The following MECOM variants were observed in gnomAD, a reference collection of about 807,000 sequenced individuals.
The protein encoded by MECOM is histone-lysine N-methyltransferase MECOM.
MECOM carries 13 observed loss-of-function variants against 116.3 expected under a neutral mutation model. The observed-to-expected ratio is 0.11, with a 90% CI of 0.07 to 0.18. MECOM has a LOEUF of 0.18. Among genes scored for constraint, MECOM ranks in the 10% least tolerant of loss-of-function variants. The pLI, the probability that MECOM is intolerant of heterozygous loss-of-function variation, is 1.00. For missense variants in MECOM, 1,299 were observed against 1,509.0 expected (o/e 0.86, Z 2.31); for synonymous variants, 528 against 535.2 (o/e 0.99, Z 0.19).
chr3:169,647,917 C>T lies in MECOM; in HGVS notation c.37+15419G>A, dbSNP rs535314879. Among the ~76,000 whole-genome samples the T allele has an allele frequency of 3.3e-5, 5 of 152,164 alleles. 1 individual carries two copies. In the East Asian group the frequency reaches 5.8e-4, roughly 18 times the overall value. On this transcript the variant is annotated intron_variant, in intron 1 of 16. Coordinates refer to ENST00000651503, the MANE Select transcript of MECOM (RefSeq NM_004991.4). Reference sequence around the variant, plus strand: ...TGAGACTCAAACCCCTACATCCTGACGTCCCAGCCAGCATTATCCGCCAGA... The same window carrying T: ...TGAGACTCAAACCCCTACATCCTGATGTCCCAGCCAGCATTATCCGCCAGA...
chr3:169,437,962 G>A (rs908914190), intron 1 of MECOM, among the ~76,000 whole-genome samples: 1 of 152,128 alleles, frequency 6.6e-6, no homozygotes, highest in Non-Finnish European at 1.5e-5. Flanking sequence ...GAAAGTATAC[G>A]ACACAACCAT....
intron 1 of MECOM, among the ~76,000 whole-genome samples, chr3:169,383,305 A>T (rs1367227342): frequency 6.6e-6 from 1 of 152,184 alleles, no homozygotes; most frequent in East Asian, 1.9e-4. Flanking sequence ...CCTATGGGAC[A>T]TAGGTTCTCA....
intron 2 of MECOM, among the ~76,000 whole-genome samples, chr3:169,378,507 A>AGCG (rs1731704620): frequency 3.3e-5 from 1 of 30,108 alleles, no homozygotes; most frequent in African/African-American, 2.2e-4. Context: ...GAAAGAAAGA[A>AGCG]AGAAAGAAAA....
chr3:169,123,874 A>T (rs1731905119), intron 5 of MECOM, among the ~76,000 whole-genome samples: 1 of 152,082 alleles, frequency 6.6e-6, no homozygotes, highest in Non-Finnish European at 1.5e-5. Flanking sequence ...CAAAACACAA[A>T]CAGAACCCCA....
At chr3:169,312,977 A>T (rs1293583578) in intron 2 of MECOM, among the ~76,000 whole-genome samples, 3 of 152,242 alleles carry the variant, frequency 2.0e-5, no homozygotes, top group Non-Finnish European at 4.4e-5. Context: ...ATGTGAAAAG[A>T]TCTAAGTACT....
intron 3 of MECOM, among the ~76,000 whole-genome samples, chr3:169,135,324 AT>A (rs1179537142): frequency 2.0e-5 from 3 of 152,194 alleles, no homozygotes; most frequent in South Asian, 4.1e-4. Context: ...TGTAATGAAT[AT>A]ACCCCCAATA....
At position 169,501,136 on chromosome 3, in the gene MECOM, A is replaced by T. The variant is rs79526182; in HGVS notation, c.38-119612T>A. On this transcript the variant is annotated intron_variant, in intron 1 of 16. Transcript: ENST00000651503. Reference sequence around the variant, plus strand: ...AGATTTAATAAAAACACTTATTTAGAAATATTATTCTCAGATTTCCAACTA... The same window carrying T: ...AGATTTAATAAAAACACTTATTTAGTAATATTATTCTCAGATTTCCAACTA... Among the ~76,000 whole-genome samples the T allele has an allele frequency of 6.4e-3, 980 of 152,166 alleles. 32 individuals are homozygous for T. The highest frequency in any genetic ancestry group is 0.057 in the East Asian group (295 of 5,186).
At chr3:169,110,142 C>G (rs1487576668) in intron 9 of MECOM, among the ~76,000 whole-genome samples, 1 of 152,098 alleles carries the variant, frequency 6.6e-6, no homozygotes, top group African/African-American at 2.4e-5. Context: ...GAAATCATAA[C>G]AAGCACTAAG....
At chr3:169,366,700 C>T (rs150701900) in intron 2 of MECOM, among the ~76,000 whole-genome samples, 1,630 of 151,886 alleles carry the variant, frequency 0.011, 12 homozygotes, top group East Asian at 0.044. Context: ...ATCTAAACAA[C>T]GAAAAAAGAA....
chr3:169,423,470 A>G (rs1031177846), intron 1 of MECOM, among the ~76,000 whole-genome samples: 52 of 152,102 alleles, frequency 3.4e-4, no homozygotes, highest in African/African-American at 1.2e-3. Flanking sequence ...ATTATTTGTA[A>G]GGGGAAACTG....
chr3:169,585,745 T>C (rs1247484591), intron 1 of MECOM, among the ~76,000 whole-genome samples: 1 of 152,248 alleles, frequency 6.6e-6, no homozygotes, highest in East Asian at 1.9e-4. Context: ...TGTTCACTAA[T>C]AGCACCTGTA....
intron 2 of MECOM, among the ~76,000 whole-genome samples, chr3:169,255,590 G>A (rs915531421): frequency 6.6e-6 from 1 of 152,106 alleles, no homozygotes; most frequent in Non-Finnish European, 1.5e-5. Flanking sequence ...TGCTATTTTA[G>A]AAGTTTCAAA....
intron 2 of MECOM, among the ~76,000 whole-genome samples, chr3:169,232,513 C>G (rs1277902599): frequency 1.3e-5 from 2 of 151,858 alleles, no homozygotes; most frequent in Non-Finnish European, 1.5e-5. Context: ...TCACAGCGAG[C>G]TGTGAATTTG....
chr3:169,264,966 C>T (rs1327187427), intron 2 of MECOM, among the ~76,000 whole-genome samples: 2 of 151,580 alleles, frequency 1.3e-5, no homozygotes, highest in Non-Finnish European at 2.9e-5. Context: ...CGAGTAGTTA[C>T]ATTAGTCAGG....
At chr3:169,179,056 T>C (rs113216273) in intron 2 of MECOM, among the ~76,000 whole-genome samples, 7 of 152,316 alleles carry the variant, frequency 4.6e-5, no homozygotes, top group African/African-American at 1.4e-4. Context: ...AAAACAAAAG[T>C]GTGGTTAAAA....
chr3:169,341,981 CACA>C (rs1266432761), intron 2 of MECOM, among the ~76,000 whole-genome samples: 3 of 151,954 alleles, frequency 2.0e-5, no homozygotes, highest in East Asian at 1.9e-4. Context: ...ACTATGCACC[CACA>C]ACAATTTAAA....
intron 3 of MECOM, among the ~76,000 whole-genome samples, chr3:169,142,758 T>A (rs539797086): frequency 2.6e-4 from 39 of 152,064 alleles, no homozygotes; most frequent in Middle Eastern, 3.4e-3. Context: ...CTTAGACCAA[T>A]TGACAGTAGC....
At chr3:169,300,429 T>C (rs1315556225) in intron 2 of MECOM, among the ~76,000 whole-genome samples, 1 of 152,210 alleles carries the variant, frequency 6.6e-6, no homozygotes, top group Non-Finnish European at 1.5e-5. Flanking sequence ...CAAATACCTA[T>C]GGTTATACTA....
chr3:169,279,644 C>T (rs1711521722), intron 2 of MECOM, among the ~76,000 whole-genome samples: 1 of 152,096 alleles, frequency 6.6e-6, no homozygotes, highest in African/African-American at 2.4e-5. Flanking sequence ...ATACACATAC[C>T]GTTTTGTTTC....
Sources: gnomAD v4.1 joint callset for allele counts (sites outside exome capture counted in the v4.1 genomes callset) on GRCh38, gnomAD v4.1.1 for gene constraint, MANE v1.5 for transcripts, NCBI Gene and HGNC (gene_info 2026-07-23, HGNC 2026-07-21) for gene names.